The following LRMDA variants were observed in gnomAD, a reference collection of about 807,000 sequenced individuals.
LRMDA encodes leucine rich melanocyte differentiation associated.
LRMDA carries 18 observed loss-of-function variants against 29.8 expected under a neutral mutation model. The observed-to-expected ratio is 0.60, with a 90% CI of 0.42 to 0.90. The LOEUF is 0.90. Among genes scored for constraint, LRMDA ranks in the 40% least tolerant of loss-of-function variants. LRMDA has a pLI of 0.00. For missense variants in LRMDA, 273 were observed against 273.9 expected (o/e 1.00, Z 0.02); for synonymous variants, 125 against 109.4 (o/e 1.14, Z -0.89).
chr10:76,529,597 G>A lies in LRMDA; in HGVS notation c.602-27612G>A, dbSNP rs117347900. On this transcript the variant is annotated intron_variant, in intron 6 of 6. Transcript: ENST00000611255. The stretch of plus-strand genomic sequence containing the variant: ...GATCAGAAATTAGATTCTGCTGCAG[G>A]TGGCCTGCAAACTACAATTAATGGC... Among the ~76,000 whole-genome samples, 384 of 152,206 alleles carry A rather than the reference G, an allele frequency of 2.5e-3. 1 individual carries two copies. The highest frequency in any genetic ancestry group is 4.0e-3 in the Non-Finnish European group (270 of 67,994).
chr10:75,779,918 C>T (rs769231841), intron 2 of LRMDA, among the ~76,000 whole-genome samples: 10 of 152,042 alleles, frequency 6.6e-5, no homozygotes, highest in Admixed American at 3.3e-4. Flanking sequence ...TTAAGGATCT[C>T]GAGATGAAAT....
At chr10:75,436,018 G>C (rs1334525197) in intron 1 of LRMDA, among the ~76,000 whole-genome samples, 2 of 146,866 alleles carry the variant, frequency 1.4e-5, no homozygotes, top group Non-Finnish European at 3.0e-5. Flanking sequence ...TTCAGAGTTT[G>C]AGATCAGCCT....
intron 6 of LRMDA, among the ~76,000 whole-genome samples, chr10:76,346,728 C>G (rs1389883758): frequency 1.1e-4 from 17 of 151,934 alleles, no homozygotes; most frequent in Admixed American, 1.0e-3. Flanking sequence ...GGATATTATC[C>G]CCATTTTATA....
intron 2 of LRMDA, among the ~76,000 whole-genome samples, chr10:75,961,901 C>G (rs565398336): frequency 6.6e-6 from 1 of 152,220 alleles, no homozygotes; most frequent in African/African-American, 2.4e-5. Flanking sequence ...AGGTCTCTCT[C>G]CTGGCTTCTG....
At chr10:75,494,222 G>T (rs1277277865) in intron 2 of LRMDA, among the ~76,000 whole-genome samples, 4 of 152,120 alleles carry the variant, frequency 2.6e-5, no homozygotes, top group African/African-American at 9.7e-5. Context: ...TGAAATGATG[G>T]CTTTGATTTA....
At chr10:76,043,027 T>G (rs1203051565) in intron 3 of LRMDA, among the ~76,000 whole-genome samples, 1 of 151,922 alleles carries the variant, frequency 6.6e-6, no homozygotes, top group Non-Finnish European at 1.5e-5. Flanking sequence ...CTCCTGAGAT[T>G]AGGAGTTCGA....
At chr10:76,123,597 C>A (rs1160497645) in intron 5 of LRMDA, among the ~76,000 whole-genome samples, 1 of 152,166 alleles carries the variant, frequency 6.6e-6, no homozygotes, top group South Asian at 2.1e-4. Flanking sequence ...ACCATTGATA[C>A]TGTTATTGTT....
intron 6 of LRMDA, among the ~76,000 whole-genome samples, chr10:76,527,192 C>T (rs1009752428): frequency 6.6e-6 from 1 of 152,012 alleles, no homozygotes; most frequent in Non-Finnish European, 1.5e-5. Context: ...ATAGTGAAGG[C>T]CATTCCCAGT....
At chr10:75,672,993 A>C (rs944937942) in intron 2 of LRMDA, among the ~76,000 whole-genome samples, 3 of 151,034 alleles carry the variant, frequency 2.0e-5, no homozygotes, top group Non-Finnish European at 4.4e-5. Flanking sequence ...AAAGACTATA[A>C]TTCCTTTTAA....
chr10:75,810,260 G>A (rs1589214307), intron 2 of LRMDA, among the ~76,000 whole-genome samples: 1 of 152,212 alleles, frequency 6.6e-6, no homozygotes, highest in South Asian at 2.1e-4. Flanking sequence ...AGTGTCCTGA[G>A]CAGGGAGCTA....
chr10:75,974,915 G>A (rs994744462), intron 2 of LRMDA, among the ~76,000 whole-genome samples: 2 of 152,228 alleles, frequency 1.3e-5, no homozygotes, highest in Admixed American at 6.5e-5. Context: ...TAATAATGAT[G>A]CACAATCCCC....
intron 6 of LRMDA, among the ~76,000 whole-genome samples, chr10:76,370,306 G>A (rs187649112): frequency 4.6e-5 from 7 of 152,170 alleles, no homozygotes; most frequent in Non-Finnish European, 7.4e-5. Flanking sequence ...TGGGTTTGGA[G>A]CATGGCTTTA....
intron 6 of LRMDA, among the ~76,000 whole-genome samples, chr10:76,447,800 C>T (rs938124835): frequency 2.0e-5 from 3 of 152,116 alleles, no homozygotes; most frequent in African/African-American, 2.4e-5. Flanking sequence ...CAGTGACAGC[C>T]TTCTCTTTGC....
At chr10:76,489,570 C>T (rs991654640) in intron 6 of LRMDA, among the ~76,000 whole-genome samples, 19 of 151,610 alleles carry the variant, frequency 1.3e-4, no homozygotes, top group Non-Finnish European at 2.2e-4. Context: ...TTTTGTTGCT[C>T]TTGCTCTTCT....
chr10:76,502,847 T>G (rs1236499445), intron 6 of LRMDA, among the ~76,000 whole-genome samples: 2 of 151,844 alleles, frequency 1.3e-5, no homozygotes, highest in East Asian at 3.9e-4. Flanking sequence ...GAGAAGATAG[T>G]TTGATTTCTT....
At chr10:76,274,376 C>T (rs747695584) in intron 5 of LRMDA, among the ~76,000 whole-genome samples, 2 of 152,114 alleles carry the variant, frequency 1.3e-5, no homozygotes, top group Non-Finnish European at 2.9e-5. Flanking sequence ...ACAATCTATG[C>T]ATATTCATTT....
intron 2 of LRMDA, among the ~76,000 whole-genome samples, chr10:75,737,297 G>A (rs1188899547): frequency 6.6e-6 from 1 of 152,214 alleles, no homozygotes; most frequent in Non-Finnish European, 1.5e-5. Context: ...AGTAAGGAAT[G>A]CGTCAGATGT....
At chr10:75,833,256 G>T (rs935821228) in intron 2 of LRMDA, among the ~76,000 whole-genome samples, 1 of 152,204 alleles carries the variant, frequency 6.6e-6, no homozygotes, top group Non-Finnish European at 1.5e-5. Context: ...ACAAGAGAAA[G>T]AAGGGTTTTG....
At chr10:75,456,245 A>G (rs1025748512) in intron 2 of LRMDA, among the ~76,000 whole-genome samples, 1 of 152,234 alleles carries the variant, frequency 6.6e-6, no homozygotes, top group Non-Finnish European at 1.5e-5. Flanking sequence ...ATACGCGGCA[A>G]TTACGCTGTT....
Sources: gnomAD v4.1 joint callset for allele counts (sites outside exome capture counted in the v4.1 genomes callset) on GRCh38, gnomAD v4.1.1 for gene constraint, MANE v1.5 for transcripts, NCBI Gene and HGNC (gene_info 2026-07-23, HGNC 2026-07-21) for gene names.